The following RELN variants were observed in gnomAD, a reference collection of about 807,000 sequenced individuals.
RELN encodes reelin.
Under a neutral mutation model 427.6 loss-of-function variants are expected in RELN, and 108 were observed. That is an observed-to-expected ratio of 0.25 (90% CI 0.22 to 0.30). The LOEUF (loss-of-function observed/expected upper bound fraction) is 0.30, where lower values mean the gene tolerates loss of function less well. Among genes scored for constraint, RELN ranks in the 10% least tolerant of loss-of-function variants. RELN has a pLI of 1.00. For synonymous variants in RELN, 1,524 were observed against 1,513.4 expected (o/e 1.01, Z -0.16); for missense variants, 3,715 against 4,302.8 (o/e 0.86, Z 3.82).
intron 3 of RELN, among the ~76,000 whole-genome samples, chr7:103,781,518 G>T (rs753585391): frequency 6.6e-6 from 1 of 152,020 alleles, no homozygotes; most frequent in East Asian, 1.9e-4. Context: ...TATAGTCATC[G>T]TTTTTGTGGT....
rs530046820 is a variant in RELN at position 103,966,366 on chromosome 7, C to A, written c.226+22765G>T. ...TCACCCAGACCGAAACAATTAGATA[C>A]ATGGATGAACCTAATGTGCACATCT... On this transcript the variant is annotated intron_variant, in intron 1 of 64. Coordinates refer to ENST00000428762, the MANE Select transcript of RELN (RefSeq NM_005045.4). Among the ~76,000 whole-genome samples the A allele has an allele frequency of 1.2e-4, 19 of 152,280 alleles. No individual in the cohort carries two copies. In the South Asian group the frequency reaches 3.7e-3, roughly 30 times the overall value.
chr7:103,961,539 C>A (rs1796553684), intron 1 of RELN, among the ~76,000 whole-genome samples: 1 of 152,198 alleles, frequency 6.6e-6, no homozygotes, highest in Non-Finnish European at 1.5e-5. Context: ...TGTATTCTTA[C>A]AAGCTCAAGA....
intron 2 of RELN, among the ~76,000 whole-genome samples, chr7:103,838,859 C>T (rs1382515534): frequency 1.3e-5 from 2 of 152,228 alleles, no homozygotes; most frequent in African/African-American, 4.8e-5. Context: ...GCTACCTTAA[C>T]GTCCTACCTT....
chr7:103,502,980 G>A (rs1430267370), intron 52 of RELN, 36 bp downstream of exon 52: 2 of 1,551,194 alleles, frequency 1.3e-6, no homozygotes, highest in Non-Finnish European at 1.8e-6. Context: ...CCTTCTGGAT[G>A]CTTGGAACCA....
At chr7:103,926,894 C>T (rs982720638) in intron 1 of RELN, among the ~76,000 whole-genome samples, 1 of 152,182 alleles carries the variant, frequency 6.6e-6, no homozygotes, top group African/African-American at 2.4e-5. Flanking sequence ...GATCCACCCC[C>T]TTGGCCTCCC....
chr7:103,898,122 C>T (rs1056489767), intron 2 of RELN, among the ~76,000 whole-genome samples: 1 of 150,740 alleles, frequency 6.6e-6, no homozygotes, highest in East Asian at 1.9e-4. Context: ...TTTTCTACAG[C>T]TTCTTAAGTA....
At chr7:103,496,804 T>C (rs774011699) in intron 55 of RELN, 36 bp from the exon 56 acceptor site, 1 of 1,609,602 alleles carries the variant, frequency 6.2e-7, no homozygotes, top group African/African-American at 1.3e-5. Context: ...GCAATATATC[T>C]AGAATCTCCT....
rs115806540 is a variant in RELN at position 103,753,194 on chromosome 7, G to A, written c.565C>T (p.His189Tyr). ...EQGAPTDVTV[H>Y]PHLAEIHSDS... is the part of the protein sequence containing the mutation. ...CTTAAACACTTACCTAGATGTGGGT[G>A]CACAGTGACATCTGTTGGAGCTGAA... Residue 189 changes from histidine to tyrosine, a missense_variant, in exon 5 of 65, where the codon CAC becomes TAC. His to Tyr is a moderately conservative substitution (Grantham distance 83). Around this residue, in one of 4 missense-constraint regions of RELN, gnomAD observed 2,208 missense variants for 2,361.7 expected, o/e 0.93. Transcript: ENST00000428762. The A allele has an allele frequency of 5.1e-4, 817 of 1,614,010 alleles. 4 individuals are homozygous for A. In the African/African-American group the frequency reaches 0.01, roughly 20 times the overall value.
In RELN at chr7:103,603,230, T is replaced by C; in HGVS notation, c.3333+74A>G. On this transcript the variant is annotated intron_variant, in intron 24 of 64. Transcript: ENST00000428762. The surrounding 1 kb of genome is among the most constrained non-coding windows in gnomAD (Gnocchi z 4.3). ...GGGAACAATAGAACCACTTCATATT[T>C]GTACATTTGGAATTCAGAGTCTCAT... The C allele has an allele frequency of 2.5e-6, 3 of 1,222,820 alleles. No homozygotes were observed. Among genetic ancestry groups the C allele is most frequent in the Non-Finnish European group, 3.6e-6 (3 of 824,144 alleles). 75.7% of individuals were successfully genotyped at this position (1,222,820 alleles called of 1,614,324 possible). A position where few individuals can be genotyped will look rare whatever the true frequency, so the allele number is the denominator to read the frequency against.
At chr7:103,969,148 C>CA (rs5886293) in intron 1 of RELN, among the ~76,000 whole-genome samples, 78,553 of 150,302 alleles carry the variant, frequency 0.52, 20,500 homozygotes, top group African/African-American at 0.58. Context: ...TTTGCATTTG[C>CA]AAAAAAAAAA....
intron 16 of RELN, among the ~76,000 whole-genome samples, chr7:103,649,273 G>T (rs77399644): frequency 1.3e-5 from 2 of 151,896 alleles, no homozygotes; most frequent in Non-Finnish European, 2.9e-5. Flanking sequence ...GAATGAAATC[G>T]TGTCTTTTGC....
chr7:103,557,221 C>T (rs1830544883), intron 37 of RELN, 62 bp from the exon 38 acceptor site: 3 of 1,360,924 alleles, frequency 2.2e-6, no homozygotes, highest in Non-Finnish European at 3.1e-6. Flanking sequence ...ATGGTATGTT[C>T]TTAGCTGAAT....
chr7:103,861,360 G>A (rs1794067657), intron 2 of RELN, among the ~76,000 whole-genome samples: 1 of 152,198 alleles, frequency 6.6e-6, no homozygotes, highest in South Asian at 2.1e-4. Context: ...TTATCAGTTT[G>A]GGGATGGGAA....
intron 16 of RELN, among the ~76,000 whole-genome samples, chr7:103,644,036 T>A (rs1832747020): frequency 1.3e-5 from 2 of 151,878 alleles, no homozygotes; most frequent in African/African-American, 4.8e-5. Flanking sequence ...AGAGAGTCTT[T>A]GCCACTGAAT....
At chr7:103,817,384 G>C (rs1325774475) in intron 3 of RELN, among the ~76,000 whole-genome samples, 1 of 152,142 alleles carries the variant, frequency 6.6e-6, no homozygotes, top group African/African-American at 2.4e-5. Flanking sequence ...AGGAGGACAG[G>C]ATCTAAATAT....
Position 103,472,735 on chromosome 7 carries a change from A to G in RELN, c.*77T>C. 8.8e-7 allele frequency: 1 copy of G among 1,132,166 alleles called. No individual in the cohort carries two copies. The highest frequency in any genetic ancestry group is 1.3e-6 in the Non-Finnish European group (1 of 747,580). 70.1% of individuals were successfully genotyped at this position (1,132,166 alleles called of 1,614,324 possible). A position where few individuals can be genotyped will look rare whatever the true frequency, so the allele number is the denominator to read the frequency against. Reference sequence around the variant, plus strand: ...TCCTTCACAGATATTTCCTGATATCAGATGTAGTGCGAGATTTAAAAGAAT... The same window carrying G: ...TCCTTCACAGATATTTCCTGATATCGGATGTAGTGCGAGATTTAAAAGAAT... On this transcript the variant is annotated 3_prime_UTR_variant, in exon 65 of 65. Transcript: ENST00000428762.
intron 1 of RELN, among the ~76,000 whole-genome samples, chr7:103,966,907 TC>T (rs1221405925): frequency 6.6e-6 from 1 of 152,226 alleles, no homozygotes; most frequent in East Asian, 1.9e-4. Flanking sequence ...TTCCACCATT[TC>T]TTCAACAATT....
rs1554362015 is a variant in RELN at position 103,489,203 on chromosome 7, G to GGGGT, written c.9763+538_9763+539insACCC. On this transcript the variant is annotated intron_variant, in intron 60 of 64. Coordinates refer to ENST00000428762, the MANE Select transcript of RELN (RefSeq NM_005045.4). ...AATGTATTTCTTTGAGTCATAAAGG[G>GGGGT]GTGTGTGTGTGTGTGTGTGTGTGTG... is the stretch of plus-strand genomic sequence containing the variant. Among the ~76,000 whole-genome samples, 3 of 147,768 alleles carry GGGGT rather than the reference G, an allele frequency of 2.0e-5. 1 individual carries two copies. The highest frequency in any genetic ancestry group is 6.5e-3 in the Middle Eastern group (2 of 308).
chr7:103,678,735 T>C (rs1427545120), intron 11 of RELN, among the ~76,000 whole-genome samples: 1 of 152,208 alleles, frequency 6.6e-6, no homozygotes, highest in Admixed American at 6.5e-5. Flanking sequence ...GCTAAAGAGA[T>C]GAAAGCATTA....
Sources: gnomAD v4.1 joint callset for allele counts (sites outside exome capture counted in the v4.1 genomes callset) on GRCh38, gnomAD v4.1.1 for gene constraint, gnomAD v4.1.1 regional missense constraint, Gnocchi (gnomAD v3.1) non-coding constraint, MANE v1.5 for transcripts, NCBI Gene and HGNC (gene_info 2026-07-23, HGNC 2026-07-21) for gene names.